Variants in MYT1L observed in about 807,000 individuals in gnomAD.
The protein encoded by MYT1L is myelin transcription factor 1-like protein.
In MYT1L, 12 loss-of-function variants were observed where a neutral mutation model predicts 126.7. The observed-to-expected ratio is 0.09, with a 90% confidence interval of 0.06 to 0.15. The LOEUF is 0.15. Ranked by LOEUF, MYT1L falls within the 10% of genes least tolerant of loss-of-function variation. MYT1L has a pLI of 1.00. For missense variants in MYT1L, 979 were observed against 1,585.2 expected, an observed-to-expected ratio of 0.62 and a Z score of 6.49; for synonymous variants, 541 against 604.2, an observed-to-expected ratio of 0.90 and a Z score of 1.53.
chr2:2,282,050 A>T (rs1488334548), intron 2 of MYT1L, among the ~76,000 whole-genome samples: 2 of 152,216 alleles, frequency 1.3e-5, no homozygotes, highest in African/African-American at 4.8e-5. Flanking sequence ...CAGAAACAAT[A>T]ATGGTCGCTA....
chr2:2,138,764 C>T (rs1354845086), intron 3 of MYT1L, among the ~76,000 whole-genome samples: 4 of 147,372 alleles, frequency 2.7e-5, no homozygotes, highest in Admixed American at 6.8e-5. Context: ...TTAGTGGGTG[C>T]AGCGCACCAG....
Position 1,979,902 on chromosome 2 carries a change from A to G in MYT1L, c.1-125T>C. On this transcript the variant is annotated intron_variant, in intron 5 of 24. Coordinates refer to ENST00000647738, the MANE Select transcript of MYT1L (RefSeq NM_001303052.2). The surrounding 1 kb of genome is among the most constrained non-coding windows in gnomAD (Gnocchi z 4.0). ...TAATCCTGTTTCCCTCCATGAAGGG[A>G]AGCCCTCTACAAGGGCAGGGGGTAA... The G allele has an allele frequency of 1.0e-6, 1 of 959,748 alleles. No individual in the cohort carries two copies. Among genetic ancestry groups the G allele is most frequent in the South Asian group, 1.4e-5 (1 of 71,720 alleles). 59.5% of individuals were successfully genotyped at this position (959,748 alleles called of 1,614,324 possible). A position where few individuals can be genotyped will look rare whatever the true frequency, so the allele number is the denominator to read the frequency against.
chr2:1,875,718 T>C (rs2046824396), intron 18 of MYT1L, among the ~76,000 whole-genome samples: 1 of 152,026 alleles, frequency 6.6e-6, no homozygotes, highest in Admixed American at 6.6e-5. Context: ...ATCAGATTAT[T>C]GCCAGGAAAG....
chr2:1,986,811 G>T (rs1435042911), intron 5 of MYT1L, among the ~76,000 whole-genome samples: 2 of 152,130 alleles, frequency 1.3e-5, no homozygotes, highest in African/African-American at 2.4e-5. Context: ...GTGAAGCTTT[G>T]TTGTTCACAC....
chr2:1,814,769 G>C lies in MYT1L; in HGVS notation c.3081-5602C>G, dbSNP rs538443477. The stretch of plus-strand genomic sequence containing the variant: ...GCACTAAATGCTTGCAGAATGGTAG[G>C]TGCAGGCCTGGCGGAGAGCATTCAC... On this transcript the variant is annotated intron_variant, in intron 21 of 24. Transcript: ENST00000647738. Among the ~76,000 whole-genome samples the C allele has an allele frequency of 3.3e-5, 5 of 152,278 alleles. No homozygotes were observed. The South Asian group carries it at 1.0e-3, about 32-fold the overall frequency.
intron 4 of MYT1L, among the ~76,000 whole-genome samples, chr2:2,005,917 T>G (rs1223669025): frequency 2.0e-5 from 3 of 151,402 alleles, no homozygotes; most frequent in Non-Finnish European, 2.9e-5. Flanking sequence ...CGTGCCTTCT[T>G]TCCTGCATGC....
Position 1,929,788 on chromosome 2 carries a change from G to A in MYT1L, c.506-6525C>T, listed in dbSNP as rs2054709923. Among the ~76,000 whole-genome samples the A allele has an allele frequency of 6.6e-6, 1 of 152,204 alleles. No homozygotes were observed. Among genetic ancestry groups the A allele is most frequent in the Non-Finnish European group, 1.5e-5 (1 of 68,038 alleles). On this transcript the variant is annotated intron_variant, in intron 9 of 24. Coordinates refer to ENST00000647738, the MANE Select transcript of MYT1L (RefSeq NM_001303052.2). This position sits in a 1 kb window ranked among gnomAD's most constrained non-coding sequence, Gnocchi z 4.7. ...ATCATGCCTTCAAAATTTAATATGT[G>A]AAGAAACTTAGGTCCTGGGAGTTGA...
At chr2:2,032,204 TAGA>T (rs1252173400) in intron 4 of MYT1L, among the ~76,000 whole-genome samples, 1 of 71,462 alleles carries the variant, frequency 1.4e-5, no homozygotes, top group Non-Finnish European at 2.5e-5. Context: ...GAGCAGATTC[TAGA>T]AGGAGGGCCT....
At chr2:1,934,307 T>TATATATATATATATATATACATACAC (rs71276816) in intron 9 of MYT1L, among the ~76,000 whole-genome samples, 19 of 132,126 alleles carry the variant, frequency 1.4e-4, no homozygotes, top group Non-Finnish European at 3.0e-4. Flanking sequence ...TATATATATA[T>TATATATATATATATATATACATACAC]ACAACCTCAT....
chr2:2,128,842 G>A (rs921755150), intron 3 of MYT1L, among the ~76,000 whole-genome samples: 2 of 152,048 alleles, frequency 1.3e-5, no homozygotes, highest in African/African-American at 4.8e-5. Context: ...ATCCCTTCTA[G>A]CCAACATTAT....
chr2:1,791,923 C>G lies in MYT1L; in HGVS notation c.3505G>C (p.Glu1169Gln). 1 of 1,611,736 alleles carries G rather than the reference C, an allele frequency of 6.2e-7. No individual in the cohort carries two copies. Among genetic ancestry groups the G allele is most frequent in the Non-Finnish European group, 8.5e-7 (1 of 1,179,346 alleles). Residue 1169 changes from glutamate to glutamine, a missense_variant, in exon 25 of 25, where the codon GAA (glutamate) becomes CAA (glutamine). Coordinates refer to ENST00000647738, the MANE Select transcript of MYT1L (RefSeq NM_001303052.2). This position sits in a 1 kb window ranked among gnomAD's most constrained non-coding sequence, Gnocchi z 6.0. The stretch of plus-strand genomic sequence containing the variant: ...ATATTTTCCAGTAGGGCTTTATTTT[C>G]TGGACTCTGATAACGATCTTGATTT... ...YTNQDRYQSP[E>Q]NKALLENIKQ...
intron 4 of MYT1L, among the ~76,000 whole-genome samples, chr2:2,001,052 C>T (rs935007163): frequency 2.0e-5 from 3 of 152,146 alleles, no homozygotes; most frequent in Non-Finnish European, 4.4e-5. Flanking sequence ...GGTTTGTCAA[C>T]CTTTTTTCAT....
rs923317663 is a variant in MYT1L at position 1,848,003 on chromosome 2, G to C, written c.2774+3638C>G. Among the ~76,000 whole-genome samples, 1 of 152,188 alleles carries C rather than the reference G, an allele frequency of 6.6e-6. No homozygotes were observed. Among genetic ancestry groups the C allele is most frequent in the Non-Finnish European group, 1.5e-5 (1 of 68,040 alleles). ...ATGGGGCTGCCAGGAGGTGGGACTC[G>C]GAGTCAGACGACATGGGCTCCAGTT... On this transcript the variant is annotated intron_variant, in intron 19 of 24. Coordinates refer to ENST00000647738, the MANE Select transcript of MYT1L (RefSeq NM_001303052.2). This position sits in a 1 kb window ranked among gnomAD's most constrained non-coding sequence, Gnocchi z 4.8.
At chr2:2,308,907 A>T (rs2095904969) in intron 1 of MYT1L, among the ~76,000 whole-genome samples, 1 of 151,694 alleles carries the variant, frequency 6.6e-6, no homozygotes, top group Non-Finnish European at 1.5e-5. Context: ...GTGCTTCAGG[A>T]TACTCTACCT....
intron 4 of MYT1L, among the ~76,000 whole-genome samples, chr2:2,020,551 T>G (rs1031583393): frequency 6.6e-6 from 1 of 152,250 alleles, no homozygotes; most frequent in Non-Finnish European, 1.5e-5. Context: ...CATGTCTACC[T>G]CCTCTTCTAT....
chr2:2,158,663 G>A (rs1049416172), intron 3 of MYT1L, among the ~76,000 whole-genome samples: 11 of 147,354 alleles, frequency 7.5e-5, no homozygotes, highest in Admixed American at 3.4e-4. Context: ...AGGTGGACAC[G>A]GGTGCACACA....
At chr2:2,272,333 C>T (rs1184799749) in intron 2 of MYT1L, among the ~76,000 whole-genome samples, 3 of 152,208 alleles carry the variant, frequency 2.0e-5, no homozygotes, top group Non-Finnish European at 4.4e-5. Context: ...CTAGGACACT[C>T]ATGGCAGGCT....
chr2:2,026,940 C>T (rs1041448826), intron 4 of MYT1L, among the ~76,000 whole-genome samples: 1 of 152,082 alleles, frequency 6.6e-6, no homozygotes, highest in Non-Finnish European at 1.5e-5. Context: ...TGTGGGGCCC[C>T]GTCACGACCA....
intron 8 of MYT1L, among the ~76,000 whole-genome samples, chr2:1,945,284 G>A (rs1372251933): frequency 6.6e-6 from 1 of 152,226 alleles, no homozygotes; most frequent in African/African-American, 2.4e-5. Flanking sequence ...GGATAGGTGC[G>A]AAGCGGAGGA....
Sources: gnomAD v4.1 joint callset for allele counts (sites outside exome capture counted in the v4.1 genomes callset) on GRCh38, gnomAD v4.1.1 for gene constraint, Gnocchi (gnomAD v3.1) non-coding constraint, MANE v1.5 for transcripts, NCBI Gene and HGNC (gene_info 2026-07-23, HGNC 2026-07-21) for gene names.